CCNB1IP1: variants seen among roughly 807,000 people sequenced by gnomAD.
The protein encoded by CCNB1IP1 is cyclin B1 interacting protein 1.
In CCNB1IP1, 14 loss-of-function variants were observed where a neutral mutation model predicts 25.6. That is an observed-to-expected ratio of 0.55 (90% CI 0.36 to 0.85). The LOEUF is 0.85. CCNB1IP1 is among the 40% of genes least tolerant of loss of function. The probability of loss-of-function intolerance (pLI) is 0.01; values close to 1 mark genes in which losing one functional copy is unlikely to be tolerated. For synonymous variants in CCNB1IP1, 119 were observed against 116.1 expected (o/e 1.02, Z -0.16); for missense variants, 278 against 342.4 (o/e 0.81, Z 1.48).
intron 1 of CCNB1IP1, among the ~76,000 whole-genome samples, chr14:20,332,553 T>G (rs771373963): frequency 1.5e-4 from 23 of 152,298 alleles, no homozygotes; most frequent in Non-Finnish European, 2.6e-4. Context: ...TCGGAATGGC[T>G]CACTGCTTCT....
At chr14:20,326,306 T>G in intron 3 of CCNB1IP1, 1 of 327,614 alleles carries the variant, frequency 3.1e-6, no homozygotes, top group Non-Finnish European at 6.3e-6. Context: ...GATATAGAGA[T>G]ATCACAAAAG....
chr14:20,320,841 T>C (rs1457666098), intron 4 of CCNB1IP1, among the ~76,000 whole-genome samples: 1 of 149,490 alleles, frequency 6.7e-6, no homozygotes, highest in African/African-American at 2.5e-5. Context: ...TATGAAATAC[T>C]TTCCATGAGA....
rs1882639187 is a variant in CCNB1IP1 at position 20,315,091 on chromosome 14, A to C, written c.297+1136T>G. Among the ~76,000 whole-genome samples, 3 of 13,646 alleles carry C rather than the reference A, an allele frequency of 2.2e-4. No individual in the cohort carries two copies. In the South Asian group the frequency reaches 5.1e-3, roughly 23 times the overall value. The allele number at this position is 13,646 out of a possible 152,430, so 9.0% of individuals were successfully genotyped here. The stretch of plus-strand genomic sequence containing the variant: ...GGACAACAAAGCGAGACTCCGTCTC[A>C]AAAAAAAAAAAAAAAAAAGACCAAG... On this transcript the variant is annotated intron_variant, in intron 5 of 6. Transcript: ENST00000358932.
At chr14:20,333,063 G>A (rs1334231083) in intron 1 of CCNB1IP1, 191 bp downstream of exon 1, 1 of 152,292 alleles carries the variant, frequency 6.6e-6, no homozygotes, top group Non-Finnish European at 1.5e-5. Flanking sequence ...TACTGCAGAG[G>A]CCCACGTGGA....
intron 2 of CCNB1IP1, among the ~76,000 whole-genome samples, chr14:20,328,082 T>C (rs1883130463): frequency 6.6e-6 from 1 of 152,210 alleles, no homozygotes; most frequent in African/African-American, 2.4e-5. Context: ...AAGAAAGCAG[T>C]GGCTATCATT....
At position 20,332,021 on chromosome 14, in the gene CCNB1IP1, TATA is replaced by T. The variant is rs1442124589; in HGVS notation, c.-431+1230_-431+1232del. Among the ~76,000 whole-genome samples, 106 of 57,938 alleles carry T rather than the reference TATA, an allele frequency of 1.8e-3. 2 individuals are homozygous for T. Among genetic ancestry groups the T allele is most frequent in the Non-Finnish European group, 2.9e-3 (88 of 30,524 alleles). The allele number at this position is 57,938 out of a possible 152,430, so 38.0% of individuals were successfully genotyped here. On this transcript the variant is annotated intron_variant, in intron 1 of 6. Transcript: ENST00000358932. Reference sequence around the variant, plus strand: ...ATGTGTATACATATATATATATATATATATATTTTTTTTTTTTTTTTTTTTTTT... The same window carrying T: ...ATGTGTATACATATATATATATATATTATTTTTTTTTTTTTTTTTTTTTTT...
At chr14:20,327,968 C>CG (rs1476511422) in intron 2 of CCNB1IP1, among the ~76,000 whole-genome samples, 3 of 152,128 alleles carry the variant, frequency 2.0e-5, no homozygotes. Context: ...TTTCATTACT[C>CG]AATAGCTAAA....
chr14:20,327,349 G>A (rs995318516), intron 2 of CCNB1IP1, among the ~76,000 whole-genome samples: 3 of 151,744 alleles, frequency 2.0e-5, no homozygotes, highest in Non-Finnish European at 2.9e-5. Context: ...AGCCAATGCC[G>A]GATTGTATTT....
At chr14:20,316,020 ATC>A (rs1258288182) in intron 5 of CCNB1IP1, among the ~76,000 whole-genome samples, 1 of 152,224 alleles carries the variant, frequency 6.6e-6, no homozygotes, top group African/African-American at 2.4e-5. Context: ...AACAATGGTT[ATC>A]TCTGAGTGAT....
chr14:20,318,217 T>TA (rs912917004), intron 4 of CCNB1IP1: 10 of 152,420 alleles, frequency 6.6e-5, no homozygotes, highest in African/African-American at 2.4e-4. Flanking sequence ...CTCACGCCTG[T>TA]AATCCCAACA....
At position 20,313,809 on chromosome 14, in the gene CCNB1IP1, C is replaced by A; in HGVS notation, c.298-8G>T. ...GAGACGTTCCTGATGTACCTGGTTC[C>A]AAAAGAAAAAAGATTTTTAAGGTAT... is the stretch of plus-strand genomic sequence containing the variant. On this transcript the variant is annotated splice_polypyrimidine_tract_variant and splice_region_variant and intron_variant, in intron 5 of 6. Coordinates refer to ENST00000358932, the MANE Select transcript of CCNB1IP1 (RefSeq NM_021178.5). 4 of 1,525,472 alleles carry A rather than the reference C, an allele frequency of 2.6e-6. No individual in the cohort carries two copies. Among genetic ancestry groups the A allele is most frequent in the South Asian group, 1.3e-5 (1 of 75,602 alleles). The allele number at this position is 1,525,472 out of a possible 1,614,324, so 94.5% of individuals were successfully genotyped here.
intron 2 of CCNB1IP1, 83 bp downstream of exon 2, chr14:20,329,091 A>G (rs1398664090): frequency 6.6e-6 from 1 of 152,204 alleles, no homozygotes; most frequent in Admixed American, 6.5e-5. Context: ...ATTCCAATTT[A>G]CTCAGTGCCA....
At chr14:20,332,017 T>TG (rs66601152) in intron 1 of CCNB1IP1, among the ~76,000 whole-genome samples, 16 of 78,442 alleles carry the variant, frequency 2.0e-4, no homozygotes, top group South Asian at 5.2e-4. Flanking sequence ...TATATATATA[T>TG]ATATATATAT....
At chr14:20,315,510 T>C (rs1882661901) in intron 5 of CCNB1IP1, 2 of 1,149,280 alleles carry the variant, frequency 1.7e-6, no homozygotes, top group African/African-American at 1.7e-5. Context: ...AAAAAGTTAC[T>C]TGACAGATGA....
At chr14:20,324,802 A>G (rs1883014105) in intron 4 of CCNB1IP1, among the ~76,000 whole-genome samples, 1 of 152,064 alleles carries the variant, frequency 6.6e-6, no homozygotes, top group East Asian at 1.9e-4. Flanking sequence ...ATACTATACA[A>G]TGCTACTTCT....
At position 20,321,374 on chromosome 14, in the gene CCNB1IP1, G is replaced by C. The variant is rs563682898; in HGVS notation, c.-38+4165C>G. On this transcript the variant is annotated intron_variant, in intron 4 of 6. Transcript: ENST00000358932. ...CATATTTCTTGTAATTTGTAAAATG[G>C]TTTAACTCAGTTGTTTACTGTTTTT... Among the ~76,000 whole-genome samples, 3 of 152,212 alleles carry C rather than the reference G, an allele frequency of 2.0e-5. No homozygotes were observed. The East Asian group carries it at 5.8e-4, about 29-fold the overall frequency.
chr14:20,330,265 T>A (rs1307998274), intron 1 of CCNB1IP1, among the ~76,000 whole-genome samples: 1 of 152,082 alleles, frequency 6.6e-6, no homozygotes, highest in Non-Finnish European at 1.5e-5. Context: ...GAGCTAAATC[T>A]TGCGTAGGGA....
chr14:20,320,372 GT>G, intron 4 of CCNB1IP1: 1 of 455,766 alleles, frequency 2.2e-6, no homozygotes, highest in Non-Finnish European at 4.4e-6. Context: ...TGATGGAGTG[GT>G]AGTCTAGTCT....
chr14:20,323,156 T>C (rs1882950839), intron 4 of CCNB1IP1: 1 of 152,144 alleles, frequency 6.6e-6, no homozygotes, highest in South Asian at 2.1e-4. Context: ...ATTTTCTTAA[T>C]CTGGAATCAC....
Sources: gnomAD v4.1 joint callset for allele counts (sites outside exome capture counted in the v4.1 genomes callset) on GRCh38, gnomAD v4.1.1 for gene constraint, MANE v1.5 for transcripts, NCBI Gene and HGNC (gene_info 2026-07-23, HGNC 2026-07-21) for gene names.